SPDYE3: variants seen among roughly 807,000 people sequenced by gnomAD.
SPDYE3 encodes speedy/RINGO cell cycle regulator family member E3, also known as speedy protein E3.
SPDYE3 carries 15 observed loss-of-function variants against 55.0 expected under a neutral mutation model. That is an observed-to-expected ratio of 0.27 (90% CI 0.18 to 0.42). The LOEUF is 0.42. Ranked by LOEUF, SPDYE3 falls within the 10% of genes least tolerant of loss-of-function variation. The pLI is 1.00. For missense variants in SPDYE3, 236 were observed against 576.7 expected (o/e 0.41, Z 6.05); for synonymous variants, 89 against 229.9 (o/e 0.39, Z 5.55).
chr7:100,317,975 CAAAAAA>C (rs1159920205), intron 8 of SPDYE3, among the ~76,000 whole-genome samples: 2 of 43,850 alleles, frequency 4.6e-5, no homozygotes, highest in African/African-American at 1.4e-4. Flanking sequence ...GACTCCGTCT[CAAAAAA>C]AAAAAAAAAA....
rs1806125476 is a variant in SPDYE3 at position 100,317,239 on chromosome 7, C to G, written c.1346+84C>G. ...GTGGGATTCCAGCCTTTCATTTATT[C>G]TTTCACCTATTTGTCCTCTTTACTC... On this transcript the variant is annotated intron_variant, in intron 8 of 10. Coordinates refer to ENST00000332397, the MANE Select transcript of SPDYE3 (RefSeq NM_001004351.5). The G allele has an allele frequency of 2.4e-6, 3 of 1,241,372 alleles. No individual in the cohort carries two copies. The African/African-American group carries it at 4.5e-5, about 18-fold the overall frequency. The allele number at this position is 1,241,372 out of a possible 1,614,324, so 76.9% of individuals were successfully genotyped here.
rs895394818 is a variant in SPDYE3, at chr7:100,320,052, C to T, written c.*45+17C>T. 2.8e-5 allele frequency: 44 copies of T among 1,599,274 alleles called. No homozygotes were observed. Among genetic ancestry groups the T allele is most frequent in the East Asian group, 1.1e-4 (5 of 44,814 alleles). On this transcript the variant is annotated intron_variant, in intron 10 of 10. Coordinates refer to ENST00000332397, the MANE Select transcript of SPDYE3 (RefSeq NM_001004351.5). ...TGAGAGAAGGTACATCTGCATCCTC[C>T]GGGGTAAAGGCAGAATATTGGGGTC...
intron 5 of SPDYE3, chr7:100,314,328 T>A: frequency 3.9e-6 from 2 of 516,674 alleles, no homozygotes; most frequent in Non-Finnish European, 6.8e-6. Context: ...TATGACGCAG[T>A]GTTCTGAGGA....
At chr7:100,308,813 T>G (rs1584995487) in intron 1 of SPDYE3, among the ~76,000 whole-genome samples, 161 bp from the exon 2 acceptor site, 3 of 135,280 alleles carry the variant, frequency 2.2e-5, no homozygotes, top group East Asian at 2.3e-4. Flanking sequence ...GGGGAAGGAG[T>G]GGCACATGGG....
Position 100,312,495 on chromosome 7 carries a change from T to TG in SPDYE3, c.763+527_763+528insG, listed in dbSNP as rs1805986735. ...CTGGGTGAGAGAGTGAGACGCTGTCTCAAAAAAAAAAAAAAAAAAAGAAGA... is the reference window on the plus strand; with the variant it reads ...CTGGGTGAGAGAGTGAGACGCTGTCTGCAAAAAAAAAAAAAAAAAAAGAAGA... On this transcript the variant is annotated intron_variant, in intron 4 of 10. Transcript: ENST00000332397. Among the ~76,000 whole-genome samples, 8 of 73,858 alleles carry TG rather than the reference T, an allele frequency of 1.1e-4. 1 individual carries two copies. Among genetic ancestry groups the TG allele is most frequent in the Non-Finnish European group, 2.1e-4 (8 of 38,938 alleles). 48.5% of individuals were successfully genotyped at this position (73,858 alleles called of 152,430 possible). A position where few individuals can be genotyped will look rare whatever the true frequency, so the allele number is the denominator to read the frequency against.
At chr7:100,309,702 G>A (rs1161437183) in intron 2 of SPDYE3, among the ~76,000 whole-genome samples, 3 of 117,884 alleles carry the variant, frequency 2.5e-5, no homozygotes, top group Non-Finnish European at 5.4e-5. Flanking sequence ...GTCTGGGTGA[G>A]AGAGTGAGAC....
In SPDYE3 at chr7:100,313,186, A is replaced by AAGGAAG. The variant is rs1477852022; in HGVS notation, c.814_819dup (p.Lys272_Arg273dup). On this transcript the variant is annotated inframe_insertion, in exon 5 of 11. Coordinates refer to ENST00000332397, the MANE Select transcript of SPDYE3 (RefSeq NM_001004351.5). ...CCCCACGTAGGTCCCTTGGCTGCAA[A>AAGGAAG]AGGAAGAGGGAGTGTTTGGATGAAT... 1.8e-6 allele frequency: 2 copies of AAGGAAG among 1,109,512 alleles called. No individual in the cohort carries two copies. Among genetic ancestry groups the AAGGAAG allele is most frequent in the African/African-American group, 1.7e-5 (1 of 58,522 alleles). The allele number at this position is 1,109,512 out of a possible 1,614,324, so 68.7% of individuals were successfully genotyped here.
Position 100,319,973 on chromosome 7 carries a change from C to T in SPDYE3, c.1633C>T (p.Arg545Cys), listed in dbSNP as rs536053477. ...AGAGCACTGGGTGTGGGCGCGAGAT[C>T]GCGCCCACCTTTCCTAGAGCTCCAG... ...DPEHWVWARD[R>C]AHLS is the part of the protein sequence containing the mutation. Residue 545 changes from arginine (R) to cysteine (C), a missense_variant, in exon 10 of 11, where the codon CGC (arginine) becomes TGC (cysteine). Transcript: ENST00000332397. The T allele has an allele frequency of 1.4e-5, 23 of 1,608,084 alleles. No individual in the cohort carries two copies. The highest frequency in any genetic ancestry group is 4.5e-5 in the East Asian group (2 of 44,814).
intron 1 of SPDYE3, among the ~76,000 whole-genome samples, 157 bp from the exon 2 acceptor site, chr7:100,308,817 A>C (rs1009454582): frequency 1.3e-5 from 2 of 149,686 alleles, no homozygotes; most frequent in African/African-American, 4.9e-5. Flanking sequence ...AAGGAGTGGC[A>C]CATGGGGTTG....
At chr7:100,311,434 T>G (rs1805953317) in intron 3 of SPDYE3, among the ~76,000 whole-genome samples, 1 of 130,256 alleles carries the variant, frequency 7.7e-6, no homozygotes, top group Non-Finnish European at 1.6e-5. Flanking sequence ...TGCAGTCAGC[T>G]GAGATTGCAC....
rs1585000778 is a variant in SPDYE3, at chr7:100,318,207, C to G, written c.1346+1052C>G. Among the ~76,000 whole-genome samples the G allele has an allele frequency of 3.3e-5, 5 of 152,130 alleles. No homozygotes were observed. The East Asian group carries it at 9.6e-4, about 29-fold the overall frequency. ...CCCTTGCATCACTTGAATCCACTGT[C>G]AAATGCTCCCTGCTGGGGTCTCCTG... On this transcript the variant is annotated intron_variant, in intron 8 of 10. Transcript: ENST00000332397.
At chr7:100,317,790 CCT>C (rs1034098474) in intron 8 of SPDYE3, among the ~76,000 whole-genome samples, 3 of 150,358 alleles carry the variant, frequency 2.0e-5, no homozygotes, top group African/African-American at 7.3e-5. Flanking sequence ...ATGGTGAAAC[CCT>C]GTCTCCACTT....
chr7:100,319,515 A>G, intron 8 of SPDYE3, 50 bp from the exon 9 acceptor site: 1 of 1,613,412 alleles, frequency 6.2e-7, no homozygotes, highest in Non-Finnish European at 8.5e-7. Context: ...CCTCAGCCGG[A>G]GGTCTCTCCT....
At chr7:100,308,266 G>C (rs1584995163) in intron 1 of SPDYE3, among the ~76,000 whole-genome samples, 1 of 151,052 alleles carries the variant, frequency 6.6e-6, no homozygotes, top group Admixed American at 6.6e-5. Context: ...GGGAGGAAGA[G>C]GGTGCAGTGA....
Position 100,320,017 on chromosome 7 carries a change from G to A in SPDYE3, c.*27G>A. On this transcript the variant is annotated 3_prime_UTR_variant, in exon 10 of 11. Coordinates refer to ENST00000332397, the MANE Select transcript of SPDYE3 (RefSeq NM_001004351.5). ...GCTCCAGGGACCGTGGAGGCCTGAGGTCATCGGCCTGAGAGAAGGTACATC... is the reference window on the plus strand; with the variant it reads ...GCTCCAGGGACCGTGGAGGCCTGAGATCATCGGCCTGAGAGAAGGTACATC... 1.2e-6 allele frequency: 2 copies of A among 1,606,760 alleles called. No homozygotes were observed. Among genetic ancestry groups the A allele is most frequent in the Non-Finnish European group, 1.7e-6 (2 of 1,179,668 alleles).
Position 100,307,864 on chromosome 7 carries a change from T to C in SPDYE3, c.-22T>C. On this transcript the variant is annotated 5_prime_UTR_variant, in exon 1 of 11. Transcript: ENST00000332397. ...GAACAGAGACTAGCTTCGGTGAGAT[T>C]GGACAGATTTTGGGAAAGATCATGA... The C allele has an allele frequency of 6.4e-7, 1 of 1,564,364 alleles. No individual in the cohort carries two copies.
rs1223455955 is a variant in SPDYE3 at position 100,319,737 on chromosome 7, C to T, written c.1519C>T (p.Gln507Ter). 5.6e-6 allele frequency: 9 copies of T among 1,614,182 alleles called. No homozygotes were observed. Among genetic ancestry groups the T allele is most frequent in the African/African-American group, 2.7e-5 (2 of 75,040 alleles). The change falls in exon 9 of 11, where the codon CAG becomes TAG. Residue 507 changes from glutamine to a stop codon, truncating the protein, a stop_gained. Coordinates refer to ENST00000332397, the MANE Select transcript of SPDYE3 (RefSeq NM_001004351.5). LOFTEE classifies it high-confidence loss of function. ...RKNCSQIALF[Q>*]KRRFQFFCSM... ...GAACTGCTCTCAGATAGCCTTGTTCCAGAAGCGTCGGTTCCAGTTCTTCTG... is the reference window on the plus strand; with the variant it reads ...GAACTGCTCTCAGATAGCCTTGTTCTAGAAGCGTCGGTTCCAGTTCTTCTG...
chr7:100,317,607 A>C (rs1279773981), intron 8 of SPDYE3, among the ~76,000 whole-genome samples: 27 of 151,176 alleles, frequency 1.8e-4, no homozygotes, highest in Non-Finnish European at 1.2e-4. Context: ...TTTTTCTAAA[A>C]ACAAAAGAGC....
intron 1 of SPDYE3, among the ~76,000 whole-genome samples, chr7:100,308,270 G>T (rs1257954146): frequency 1.3e-5 from 2 of 150,486 alleles, no homozygotes; most frequent in African/African-American, 4.9e-5. Context: ...GGAAGAGGGT[G>T]CAGTGAGCCG....
Sources: gnomAD v4.1 joint callset for allele counts (sites outside exome capture counted in the v4.1 genomes callset) on GRCh38, gnomAD v4.1.1 for gene constraint, MANE v1.5 for transcripts, NCBI Gene and HGNC (gene_info 2026-07-23, HGNC 2026-07-21) for gene names.